Variants in CCDC14 observed in about 807,000 individuals in gnomAD.
The protein encoded by CCDC14 is coiled-coil domain containing 14.
CCDC14 carries 71 observed loss-of-function variants against 81.4 expected under a neutral mutation model. The observed-to-expected ratio is 0.87, with a 90% CI of 0.72 to 1.06. The LOEUF (loss-of-function observed/expected upper bound fraction) is 1.06, where lower values mean the gene tolerates loss of function less well. Among genes scored for constraint, CCDC14 ranks in the 50% least tolerant of loss-of-function variants. The probability of loss-of-function intolerance (pLI) is 0.00; values close to 1 mark genes in which losing one functional copy is unlikely to be tolerated. For synonymous variants in CCDC14, 332 were observed against 364.8 expected, an observed-to-expected ratio of 0.91 and a Z score of 1.03; for missense variants, 1,046 against 1,047.3, an observed-to-expected ratio of 1.00 and a Z score of 0.02.
chr3:123,960,466 A>G (rs1397319356), intron 1 of CCDC14, among the ~76,000 whole-genome samples: 2 of 152,214 alleles, frequency 1.3e-5, no homozygotes, highest in Non-Finnish European at 2.9e-5. Flanking sequence ...CTGCCAAGTT[A>G]TTTGAATCCT....
intron 8 of CCDC14, among the ~76,000 whole-genome samples, chr3:123,946,382 A>G (rs2036628831): frequency 6.6e-6 from 1 of 152,162 alleles, no homozygotes; most frequent in Non-Finnish European, 1.5e-5. Flanking sequence ...GAGATTTGTT[A>G]AACAATCTAA....
At chr3:123,891,302 A>C in the CCDC14 span, among the ~76,000 whole-genome samples, 1 of 152,222 alleles carries the variant, frequency 6.6e-6, no homozygotes, top group African/African-American at 2.4e-5. Context: ...TTACTTATGC[A>C]AATTTCTGCA....
chr3:123,907,885 G>A (rs138138883), intron 5 of CCDC14, among the ~76,000 whole-genome samples: 82 of 151,622 alleles, frequency 5.4e-4, no homozygotes, highest in African/African-American at 1.9e-3. Context: ...TTTGCAGTTT[G>A]GTTTTAGAGC....
chr3:123,948,851 A>C, intron 6 of CCDC14, 45 bp downstream of exon 6: 1 of 1,587,042 alleles, frequency 6.3e-7, no homozygotes, highest in South Asian at 1.1e-5. Context: ...CAAGCAATTT[A>C]ATTAGAACTT....
At position 123,961,140 on chromosome 3, in the gene CCDC14, T is replaced by C. The variant is rs1464480658; in HGVS notation, c.30+4A>G. On this transcript the variant is annotated splice_donor_region_variant and intron_variant, in intron 1 of 12. Coordinates refer to ENST00000409697, the MANE Select transcript of CCDC14 (RefSeq NM_001366335.1). Reference sequence around the variant, plus strand: ...AGCGGACTCCTCAGGTCCTCAGCCCTCACCTGGCCCGGTCGAGCTCCAGAC... The same window carrying C: ...AGCGGACTCCTCAGGTCCTCAGCCCCCACCTGGCCCGGTCGAGCTCCAGAC... 6.4e-7 allele frequency: 1 copy of C among 1,551,150 alleles called. No individual in the cohort carries two copies. Among genetic ancestry groups the C allele is most frequent in the Non-Finnish European group, 8.7e-7 (1 of 1,146,784 alleles).
downstream of CCDC14, among the ~76,000 whole-genome samples, chr3:123,895,702 A>G (rs2034050736): frequency 6.6e-6 from 1 of 152,212 alleles, no homozygotes; most frequent in Non-Finnish European, 1.5e-5. Flanking sequence ...TCCAGCAAAC[A>G]AAACAATTTG....
At chr3:123,907,730 A>C (rs1039531828) in intron 5 of CCDC14, among the ~76,000 whole-genome samples, 41 of 151,072 alleles carry the variant, frequency 2.7e-4, no homozygotes, top group South Asian at 8.4e-4. Flanking sequence ...AAAAAAAAAA[A>C]CCCTTTTCAC....
chr3:123,933,753 T>G lies in CCDC14; in HGVS notation c.1346A>C (p.Gln449Pro). ...LRSENAQLRR[Q>P]LRILNQQLRE... is the part of the protein sequence containing the mutation. Reference sequence around the variant, plus strand: ...GAGTTGCTGGTTCAAAATTCTCAACTGCCTAAAGAAATAATGAAGAACTAT... The same window carrying G: ...GAGTTGCTGGTTCAAAATTCTCAACGGCCTAAAGAAATAATGAAGAACTAT... The change falls in exon 10 of 13, where the codon CAG becomes CCG. Residue 449 changes from glutamine to proline, a missense_variant and splice_region_variant. Gln to Pro is a moderately conservative substitution (Grantham distance 76, BLOSUM62 -1). Transcript: ENST00000409697. 1 of 1,560,672 alleles carries G rather than the reference T, an allele frequency of 6.4e-7. No homozygotes were observed.
rs555248190 is a variant in CCDC14 at position 123,898,087 on chromosome 3, A to G, written c.668-474T>C. Among the ~76,000 whole-genome samples the G allele has an allele frequency of 9.8e-5, 15 of 152,320 alleles. No individual in the cohort carries two copies. The South Asian group carries it at 2.7e-3, about 27-fold the overall frequency. Reference sequence around the variant, plus strand: ...GATAAGTAGTGCATTTCTACCTCAAATTGTGTGGAGGGACTATAGTTTAGT... The same window carrying G: ...GATAAGTAGTGCATTTCTACCTCAAGTTGTGTGGAGGGACTATAGTTTAGT... On this transcript the variant is annotated intron_variant, in intron 5 of 5. Transcript: ENST00000479903.
At chr3:123,905,008 T>TGAGA (rs1320074761) in intron 5 of CCDC14, among the ~76,000 whole-genome samples, 1 of 151,196 alleles carries the variant, frequency 6.6e-6, no homozygotes, top group Non-Finnish European at 1.5e-5. Context: ...GTAAAACAGA[T>TGAGA]GAGAGAGAGA....
At chr3:123,894,137 G>A (rs572633955), downstream of CCDC14, among the ~76,000 whole-genome samples, 1 of 152,246 alleles carries the variant, frequency 6.6e-6, no homozygotes, top group African/African-American at 2.4e-5. Flanking sequence ...TTGAGTTAAT[G>A]TTTGTACATG....
At chr3:123,932,219 T>C (rs2035775067) in intron 10 of CCDC14, among the ~76,000 whole-genome samples, 2 of 152,130 alleles carry the variant, frequency 1.3e-5, no homozygotes, top group South Asian at 2.1e-4. Context: ...AGTAATGATC[T>C]CAAAGAAACA....
downstream of CCDC14, among the ~76,000 whole-genome samples, chr3:123,910,260 C>G (rs1172636165): frequency 3.3e-5 from 5 of 152,106 alleles, no homozygotes; most frequent in Non-Finnish European, 7.4e-5. Flanking sequence ...AGCGTGATGG[C>G]TAAGATAGCC....
At chr3:123,921,749 A>T (rs1268436124) in intron 12 of CCDC14, among the ~76,000 whole-genome samples, 3 of 151,788 alleles carry the variant, frequency 2.0e-5, no homozygotes, top group African/African-American at 7.2e-5. Flanking sequence ...TGAGCTTAAA[A>T]ATTTGTCAAA....
At chr3:123,959,218 T>G (rs533048689) in intron 1 of CCDC14, among the ~76,000 whole-genome samples, 19 of 152,358 alleles carry the variant, frequency 1.2e-4, no homozygotes, top group Admixed American at 3.3e-4. Flanking sequence ...ATCTCCATAT[T>G]GTTTTCCATA....
chr3:123,913,888 G>A lies in CCDC14; in HGVS notation c.*891C>T. 1 of 985,264 alleles carries A rather than the reference G, an allele frequency of 1.0e-6. No individual in the cohort carries two copies. The highest frequency in any genetic ancestry group is 1.2e-6 in the Non-Finnish European group (1 of 829,834). 61.0% of individuals were successfully genotyped at this position (985,264 alleles called of 1,614,324 possible). A position where few individuals can be genotyped will look rare whatever the true frequency, so the allele number is the denominator to read the frequency against. On this transcript the variant is annotated 3_prime_UTR_variant, in exon 13 of 13. Transcript: ENST00000409697. ...AGATGATACTGAGCTAAGAAGTCCT[G>A]GTATAGAGAAGCAGAGAGACCAACC...
Position 123,913,621 on chromosome 3 carries a change from A to G in CCDC14, c.*1158T>C. 1.0e-6 allele frequency: 1 copy of G among 984,470 alleles called. No homozygotes were observed. Among genetic ancestry groups the G allele is most frequent in the Non-Finnish European group, 1.2e-6 (1 of 829,576 alleles). 61.0% of individuals were successfully genotyped at this position (984,470 alleles called of 1,614,324 possible). Reference sequence around the variant, plus strand: ...AAATCTCTATCTGGAAAATCTGAACATATCAAAGAGACTACAGCTGGCTCC... The same window carrying G: ...AAATCTCTATCTGGAAAATCTGAACGTATCAAAGAGACTACAGCTGGCTCC... On this transcript the variant is annotated 3_prime_UTR_variant, in exon 13 of 13. Transcript: ENST00000409697.
Position 123,933,684 on chromosome 3 carries a change from C to A in CCDC14, c.1415G>T (p.Cys472Phe). 1 of 1,571,004 alleles carries A rather than the reference C, an allele frequency of 6.4e-7. No homozygotes were observed. Among genetic ancestry groups the A allele is most frequent in the Non-Finnish European group, 8.7e-7 (1 of 1,155,276 alleles). ...KTQKPSGAVD[C>F]NLELFSLQSL... ...GTTCTTTTACCTACATTCAAGGTTG[C>A]AATCCACAGCACCAGATGGTTTTTG... The change falls in exon 10 of 13, where the codon TGC becomes TTC. Residue 472 changes from cysteine to phenylalanine, a missense_variant. Coordinates refer to ENST00000409697, the MANE Select transcript of CCDC14 (RefSeq NM_001366335.1).
At chr3:123,939,862 A>G (rs938424013) in intron 9 of CCDC14, among the ~76,000 whole-genome samples, 33 of 152,050 alleles carry the variant, frequency 2.2e-4, no homozygotes, top group Non-Finnish European at 4.4e-4. Context: ...TAAGAAAAGG[A>G]AGAAGAGAAA....
Sources: allele counts gnomAD v4.1 joint callset (sites outside exome capture counted in the v4.1 genomes callset), GRCh38; gene constraint gnomAD v4.1.1; transcripts MANE v1.5; gene names NCBI Gene and HGNC (gene_info 2026-07-23, HGNC 2026-07-21).